ST7: variants seen among roughly 807,000 people sequenced by gnomAD.
The protein encoded by ST7 is suppression of tumorigenicity 7, also known as suppressor of tumorigenicity 7 protein.
ST7 carries 28 observed loss-of-function variants against 78.7 expected under a neutral mutation model. The observed-to-expected ratio is 0.36, with a 90% confidence interval of 0.26 to 0.49. The LOEUF is 0.49. ST7 is among the 20% of genes least tolerant of loss of function. The pLI is 0.99. For missense variants in ST7, 418 were observed against 696.0 expected (o/e 0.60, Z 4.49); for synonymous variants, 247 against 249.6 (o/e 0.99, Z 0.10).
intron 13 of ST7, among the ~76,000 whole-genome samples, chr7:117,213,586 G>A (rs946600765): frequency 1.3e-5 from 2 of 151,430 alleles, no homozygotes; most frequent in East Asian, 1.9e-4. Flanking sequence ...TAAAACCCCC[G>A]AAGTCCAGCT....
chr7:117,229,111 C>A (rs898765552), intron 15 of ST7, among the ~76,000 whole-genome samples: 1 of 152,206 alleles, frequency 6.6e-6, no homozygotes, highest in Non-Finnish European at 1.5e-5. Flanking sequence ...ACATGAAAAG[C>A]AGAAAGGAAT....
chr7:117,085,787 A>G (rs1467621060), intron 1 of ST7, among the ~76,000 whole-genome samples: 1 of 152,224 alleles, frequency 6.6e-6, no homozygotes, highest in East Asian at 1.9e-4. Flanking sequence ...TGAAACTCAG[A>G]AAGGAAATTA....
At chr7:117,048,084 A>G (rs1797584580) in intron 1 of ST7, among the ~76,000 whole-genome samples, 1 of 152,164 alleles carries the variant, frequency 6.6e-6, no homozygotes, top group African/African-American at 2.4e-5. Flanking sequence ...AAGAGAAAAT[A>G]TATTTACTGT....
intron 1 of ST7, among the ~76,000 whole-genome samples, chr7:117,092,847 G>A (rs1309147579): frequency 6.6e-6 from 1 of 152,178 alleles, no homozygotes; most frequent in African/African-American, 2.4e-5. Context: ...CACCCTGATA[G>A]CCCAGTCTTC....
At chr7:117,099,585 C>G (rs1200069682) in intron 1 of ST7, among the ~76,000 whole-genome samples, 177 bp from the exon 2 acceptor site, 1 of 152,056 alleles carries the variant, frequency 6.6e-6, no homozygotes, top group Admixed American at 6.6e-5. Flanking sequence ...TACTTGACAC[C>G]TAGTATTCTG....
intron 3 of ST7, among the ~76,000 whole-genome samples, chr7:117,124,795 G>A (rs1255966674): frequency 6.6e-6 from 1 of 152,122 alleles, no homozygotes; most frequent in East Asian, 1.9e-4. Flanking sequence ...ATTAAATGAG[G>A]TCATGTGGAA....
chr7:117,068,623 G>A (rs1370738058), intron 1 of ST7, among the ~76,000 whole-genome samples: 1 of 152,200 alleles, frequency 6.6e-6, no homozygotes, highest in Non-Finnish European at 1.5e-5. Context: ...CTAAAACAGA[G>A]CTTCCTAACC....
intron 1 of ST7, among the ~76,000 whole-genome samples, chr7:117,049,375 T>C (rs2116351026): frequency 6.6e-6 from 1 of 152,356 alleles, no homozygotes; most frequent in South Asian, 2.1e-4. Flanking sequence ...TGCCTCTTGG[T>C]TGGCAGAAGC....
At chr7:117,041,012 A>G (rs1797188367) in intron 1 of ST7, among the ~76,000 whole-genome samples, 1 of 152,104 alleles carries the variant, frequency 6.6e-6, no homozygotes, top group Non-Finnish European at 1.5e-5. Context: ...TGGATTGAGT[A>G]AAAGTTACCA....
chr7:117,209,380 A>G (rs557914959), intron 12 of ST7, among the ~76,000 whole-genome samples: 1 of 152,280 alleles, frequency 6.6e-6, no homozygotes, highest in South Asian at 2.1e-4. Flanking sequence ...GGACAGTGCT[A>G]CTCAATCTCA....
At chr7:117,160,060 G>A (rs527672137) in intron 9 of ST7, among the ~76,000 whole-genome samples, 1 of 151,296 alleles carries the variant, frequency 6.6e-6, no homozygotes, top group African/African-American at 2.4e-5. Context: ...AATTAGCCGG[G>A]TGTGTGGCTA....
chr7:117,220,873 C>G (rs1793035547), intron 14 of ST7, among the ~76,000 whole-genome samples: 1 of 152,190 alleles, frequency 6.6e-6, no homozygotes, highest in African/African-American at 2.4e-5. Context: ...CCTGGATTCC[C>G]TCCACCCTCA....
intron 9 of ST7, among the ~76,000 whole-genome samples, chr7:117,149,978 A>G (rs1382815145): frequency 6.6e-6 from 1 of 152,208 alleles, no homozygotes; most frequent in South Asian, 2.1e-4. Flanking sequence ...AAAGATCGTC[A>G]GGTCTTTTCC....
chr7:117,180,140 A>G (rs1808638612), intron 10 of ST7, among the ~76,000 whole-genome samples: 1 of 152,190 alleles, frequency 6.6e-6, no homozygotes, highest in African/African-American at 2.4e-5. Context: ...GTAATCTCTT[A>G]ACTACAAGAA....
intron 9 of ST7, among the ~76,000 whole-genome samples, chr7:117,152,378 A>G (rs571976859): frequency 6.6e-5 from 10 of 151,474 alleles, no homozygotes; most frequent in Admixed American, 3.3e-4. Flanking sequence ...CTGTCCCACA[A>G]CCCACTCCTG....
intron 7 of ST7, 119 bp downstream of exon 7, chr7:117,134,311 G>T: frequency 6.9e-7 from 1 of 1,445,750 alleles, no homozygotes; most frequent in Admixed American, 1.9e-5. Context: ...ATTGTGTTGT[G>T]ACAAGGATGC....
chr7:116,980,624 CTG>C (rs1312839308), intron 1 of ST7, among the ~76,000 whole-genome samples: 2 of 152,178 alleles, frequency 1.3e-5, no homozygotes, highest in Non-Finnish European at 1.5e-5. Context: ...ATGGAGGCCT[CTG>C]TAGCATTCCT....
At chr7:117,080,967 T>G (rs1338763732) in intron 1 of ST7, 1 of 152,168 alleles carries the variant, frequency 6.6e-6, no homozygotes, top group African/African-American at 2.4e-5. Flanking sequence ...ACACAGGTGT[T>G]GTGGGATACA....
intron 10 of ST7, among the ~76,000 whole-genome samples, chr7:117,185,169 TAACTA>T (rs546766794): frequency 6.5e-4 from 99 of 152,308 alleles, no homozygotes; most frequent in African/African-American, 2.2e-3. Flanking sequence ...GCTAATAAGA[TAACTA>T]TACTATAGCA....
Sources: gnomAD v4.1 joint callset for allele counts (sites outside exome capture counted in the v4.1 genomes callset) on GRCh38, gnomAD v4.1.1 for gene constraint, MANE v1.5 for transcripts, NCBI Gene and HGNC (gene_info 2026-07-23, HGNC 2026-07-21) for gene names.